Variants in SGCZ observed in about 807,000 individuals in gnomAD.
SGCZ encodes zeta-sarcoglycan.
In SGCZ, 40 loss-of-function variants were observed where a neutral mutation model predicts 41.3. That is an observed-to-expected ratio of 0.97 (90% CI 0.75 to 1.26). SGCZ has a LOEUF of 1.26. SGCZ is among the 50% of genes most tolerant of loss of function. The probability of loss-of-function intolerance (pLI) is 0.00; values close to 1 mark genes in which losing one functional copy is unlikely to be tolerated. For missense variants in SGCZ, 552 were observed against 369.8 expected, an observed-to-expected ratio of 1.49 and a Z score of -4.04; for synonymous variants, 206 against 137.5, an observed-to-expected ratio of 1.50 and a Z score of -3.49.
intron 1 of SGCZ, among the ~76,000 whole-genome samples, chr8:14,570,299 T>A (rs1804512220): frequency 6.6e-6 from 1 of 152,148 alleles, no homozygotes; most frequent in South Asian, 2.1e-4. Flanking sequence ...TGAATAAAAT[T>A]TGTCATTTCT....
chr8:14,626,207 A>G (rs569414189), intron 1 of SGCZ, among the ~76,000 whole-genome samples: 6 of 152,078 alleles, frequency 3.9e-5, no homozygotes, highest in South Asian at 4.2e-4. Context: ...GGTTTGTTAC[A>G]TAGGTAAACG....
intron 2 of SGCZ, among the ~76,000 whole-genome samples, chr8:14,425,502 T>C (rs1451571575): frequency 4.0e-5 from 6 of 151,876 alleles, no homozygotes; most frequent in African/African-American, 1.2e-4. Context: ...CCACCTGTAA[T>C]CCCAGATACT....
chr8:14,549,327 G>C (rs1316844961), intron 2 of SGCZ, among the ~76,000 whole-genome samples: 2 of 151,984 alleles, frequency 1.3e-5, no homozygotes, highest in Non-Finnish European at 2.9e-5. Context: ...TCCTATCAGG[G>C]GAAGCTAGCC....
At chr8:15,128,532 T>G (rs575809989) in intron 1 of SGCZ, among the ~76,000 whole-genome samples, 21 of 152,302 alleles carry the variant, frequency 1.4e-4, no homozygotes, top group African/African-American at 4.8e-4. Flanking sequence ...GACTCTCCAT[T>G]TAGTCCTTGG....
At chr8:14,108,010 T>C (rs540581034) in intron 6 of SGCZ, among the ~76,000 whole-genome samples, 153 bp downstream of exon 6, 70 of 152,310 alleles carry the variant, frequency 4.6e-4, no homozygotes, top group African/African-American at 1.3e-3. Flanking sequence ...TCTTTTTTTT[T>C]CCACATTCTT....
chr8:15,194,500 A>C (rs543645977), intron 1 of SGCZ, among the ~76,000 whole-genome samples: 1 of 152,334 alleles, frequency 6.6e-6, no homozygotes, highest in Non-Finnish European at 1.5e-5. Context: ...GGGACTTTGC[A>C]GATGTCATTA....
At chr8:15,078,361 T>C (rs1020410016) in intron 1 of SGCZ, among the ~76,000 whole-genome samples, 2 of 151,718 alleles carry the variant, frequency 1.3e-5, no homozygotes, top group African/African-American at 4.8e-5. Context: ...TCTCCCTCTC[T>C]CTCCATACCA....
chr8:14,108,100 C>A, intron 6 of SGCZ, 63 bp downstream of exon 6: 1 of 1,429,432 alleles, frequency 7.0e-7, no homozygotes. Context: ...TTTAGTTCTT[C>A]ATATATTAAG....
At chr8:14,337,782 C>T (rs976347139) in intron 2 of SGCZ, among the ~76,000 whole-genome samples, 3 of 152,070 alleles carry the variant, frequency 2.0e-5, no homozygotes, top group Non-Finnish European at 2.9e-5. Context: ...AGTGGTACCT[C>T]CCCTGCATGG....
At chr8:14,395,018 G>A (rs1026912489) in intron 2 of SGCZ, among the ~76,000 whole-genome samples, 9 of 152,208 alleles carry the variant, frequency 5.9e-5, no homozygotes, top group East Asian at 1.9e-4. Context: ...TTGTAAAACT[G>A]ATGTAGTGAT....
chr8:14,616,955 T>C (rs1806125224), intron 1 of SGCZ, among the ~76,000 whole-genome samples: 1 of 152,120 alleles, frequency 6.6e-6, no homozygotes, highest in East Asian at 1.9e-4. Context: ...CTATATAAAA[T>C]AGCCATTTCT....
At chr8:14,543,522 CA>C (rs923895267) in intron 2 of SGCZ, among the ~76,000 whole-genome samples, 2 of 152,014 alleles carry the variant, frequency 1.3e-5, no homozygotes, top group Admixed American at 6.6e-5. Flanking sequence ...CACAAGGGCA[CA>C]AAAAGTATTG....
In SGCZ at chr8:14,197,549, T is replaced by TA. The variant is rs532539333; in HGVS notation, c.425-32848dup. ...TTCATTAAATTATGCCAGATCAAAT[T>TA]AAAAAAAAACAAATAATTATCTTAG... On this transcript the variant is annotated intron_variant, in intron 4 of 7. Transcript: ENST00000382080. Among the ~76,000 whole-genome samples the TA allele has an allele frequency of 2.0e-3, 295 of 150,900 alleles. 2 individuals are homozygous for TA. The highest frequency in any genetic ancestry group is 4.6e-3 in the African/African-American group (189 of 41,226).
intron 2 of SGCZ, among the ~76,000 whole-genome samples, chr8:14,431,227 G>C (rs1234769108): frequency 2.0e-5 from 3 of 152,106 alleles, no homozygotes; most frequent in African/African-American, 4.8e-5. Context: ...AGCCTACATA[G>C]CCAAAGCAAG....
chr8:14,250,395 G>A (rs996202185), intron 3 of SGCZ, among the ~76,000 whole-genome samples: 34 of 152,022 alleles, frequency 2.2e-4, no homozygotes, highest in African/African-American at 7.3e-4. Context: ...TTTTTTTAAA[G>A]CAATACTGCA....
intron 1 of SGCZ, among the ~76,000 whole-genome samples, chr8:15,221,106 T>C (rs527999711): frequency 1.3e-5 from 2 of 152,148 alleles, no homozygotes; most frequent in Non-Finnish European, 2.9e-5. Context: ...GGCACATGTA[T>C]ACCTATGTAA....
chr8:14,585,511 G>T (rs1434894016), intron 1 of SGCZ, among the ~76,000 whole-genome samples: 1 of 151,984 alleles, frequency 6.6e-6, no homozygotes, highest in Admixed American at 6.6e-5. Flanking sequence ...TCCAAAGGTT[G>T]CAATATTCCT....
intron 1 of SGCZ, among the ~76,000 whole-genome samples, chr8:14,817,189 A>C (rs1801931121): frequency 6.6e-6 from 1 of 152,176 alleles, no homozygotes; most frequent in Non-Finnish European, 1.5e-5. Flanking sequence ...TGTGTGTCAC[A>C]GAAGCCCAGG....
intron 1 of SGCZ, among the ~76,000 whole-genome samples, chr8:14,929,415 A>G (rs1027513388): frequency 6.6e-6 from 1 of 152,000 alleles, no homozygotes; most frequent in Non-Finnish European, 1.5e-5. Context: ...TAAGTGCCAA[A>G]CTGATACTCT....
Sources: gnomAD v4.1 joint callset for allele counts (sites outside exome capture counted in the v4.1 genomes callset) on GRCh38, gnomAD v4.1.1 for gene constraint, MANE v1.5 for transcripts, NCBI Gene and HGNC (gene_info 2026-07-23, HGNC 2026-07-21) for gene names.